Variants in SP100 observed in about 807,000 individuals in gnomAD.
SP100 encodes the protein SP100 nuclear body protein.
Under a neutral mutation model 130.0 loss-of-function variants are expected in SP100, and 84 were observed. The ratio of observed to expected loss-of-function variants is 0.65; its 90% confidence interval spans 0.54 to 0.77. SP100 has a LOEUF of 0.77. Among genes scored for constraint, SP100 ranks in the 30% least tolerant of loss-of-function variants. The pLI is 0.00. For synonymous variants in SP100, 331 were observed against 351.7 expected (o/e 0.94, Z 0.66); for missense variants, 978 against 1,052.2 (o/e 0.93, Z 0.97).
At chr2:230,485,647 T>C (rs780295369) in intron 17 of SP100, among the ~76,000 whole-genome samples, 7 of 152,208 alleles carry the variant, frequency 4.6e-5, no homozygotes, top group Non-Finnish European at 7.3e-5. Context: ...ATTTCTTTTA[T>C]TGATGTATAC....
intron 11 of SP100, among the ~76,000 whole-genome samples, chr2:230,465,458 G>A (rs1015723102): frequency 2.6e-5 from 4 of 152,160 alleles, no homozygotes; most frequent in African/African-American, 9.7e-5. Flanking sequence ...AATGGAGCTG[G>A]AGGCTATTAT....
chr2:230,449,156 T>C lies in SP100; in HGVS notation c.586+6T>C. On this transcript the variant is annotated splice_donor_region_variant and intron_variant, in intron 6 of 28. Transcript: ENST00000340126. ...GGGTTCCCCATCTCATGCTGGTTTG[T>C]TCCTGTTTACTACTCTTTGAGCCTC... is the stretch of plus-strand genomic sequence containing the variant. 2 of 1,614,020 alleles carry C rather than the reference T, an allele frequency of 1.2e-6. No individual in the cohort carries two copies. Among genetic ancestry groups the C allele is most frequent in the Non-Finnish European group, 1.7e-6 (2 of 1,179,864 alleles).
At position 230,463,483 on chromosome 2, in the gene SP100, A is replaced by C. The variant is rs2064776304; in HGVS notation, c.1058-584A>C. Reference sequence around the variant, plus strand: ...AGACCTAAGAGCAAAGAAGAACCTCATCTTGATGTTATAAAATAACAATGT... The same window carrying C: ...AGACCTAAGAGCAAAGAAGAACCTCCTCTTGATGTTATAAAATAACAATGT... On this transcript the variant is annotated intron_variant, in intron 10 of 28. Transcript: ENST00000340126. 2.0e-5 allele frequency: 3 copies of C among 152,276 alleles called. No homozygotes were observed. In the South Asian group the frequency reaches 6.2e-4, roughly 31 times the overall value. The allele number at this position is 152,276 out of a possible 1,614,324, so 9.4% of individuals were successfully genotyped here.
chr2:230,417,588 T>C lies in SP100; in HGVS notation c.33-3T>C. On this transcript the variant is annotated splice_polypyrimidine_tract_variant and splice_region_variant and intron_variant, in intron 1 of 28. Transcript: ENST00000340126. ...ACTTGGTCCTGCCAAATTGTCTTTC[T>C]AGGAGGCTGAATGAATGTATTTCAC... is the stretch of plus-strand genomic sequence containing the variant. 1 of 1,611,566 alleles carries C rather than the reference T, an allele frequency of 6.2e-7. No homozygotes were observed.
At chr2:230,469,950 A>G in intron 14 of SP100, 65 bp from the exon 15 acceptor site, 1 of 1,548,486 alleles carries the variant, frequency 6.5e-7, no homozygotes, top group Non-Finnish European at 8.7e-7. Flanking sequence ...TTGCTTTTAA[A>G]GAATTCCCTG....
chr2:230,463,782 AG>A, intron 10 of SP100: 1 of 208,686 alleles, frequency 4.8e-6, no homozygotes, highest in South Asian at 1.1e-4. Context: ...AAATAGAAGC[AG>A]AAACAAAGGA....
intron 17 of SP100, among the ~76,000 whole-genome samples, chr2:230,476,618 G>A (rs1056161547): frequency 3.3e-5 from 5 of 151,982 alleles, no homozygotes; most frequent in African/African-American, 4.8e-5. Context: ...ACACGTTTTG[G>A]AATATAGTTT....
chr2:230,479,526 C>A (rs549231803), intron 17 of SP100, among the ~76,000 whole-genome samples: 1 of 152,308 alleles, frequency 6.6e-6, no homozygotes, highest in South Asian at 2.1e-4. Context: ...CACAACTTTT[C>A]TTTCCTTGTA....
chr2:230,512,476 G>C (rs1393485960), intron 24 of SP100, among the ~76,000 whole-genome samples: 1 of 151,266 alleles, frequency 6.6e-6, no homozygotes, highest in Non-Finnish European at 1.5e-5. Flanking sequence ...TTTTAGTAGA[G>C]ACAGGGTTTT....
intron 9 of SP100, among the ~76,000 whole-genome samples, chr2:230,461,858 A>C (rs980688136): frequency 6.6e-6 from 1 of 151,986 alleles, no homozygotes; most frequent in Non-Finnish European, 1.5e-5. Context: ...CTGAGGCAGG[A>C]GCATCGTTTG....
At chr2:230,525,262 T>A (rs1006941266) in intron 24 of SP100, among the ~76,000 whole-genome samples, 2 of 152,200 alleles carry the variant, frequency 1.3e-5, no homozygotes, top group Non-Finnish European at 2.9e-5. Flanking sequence ...TGTTTCCCTG[T>A]GTGTCTATCT....
chr2:230,455,752 C>A (rs184995934), intron 8 of SP100, among the ~76,000 whole-genome samples: 12 of 152,270 alleles, frequency 7.9e-5, no homozygotes, highest in Admixed American at 7.8e-4. Flanking sequence ...TCTAGTGATA[C>A]ACTTTGATTC....
chr2:230,444,395 C>A (rs1391253970), intron 4 of SP100, 49 bp downstream of exon 4: 2 of 1,459,252 alleles, frequency 1.4e-6, no homozygotes, highest in South Asian at 1.1e-5. Flanking sequence ...CAAGTTTTTT[C>A]AATAAGTATA....
chr2:230,481,617 T>C (rs755630826), intron 17 of SP100, among the ~76,000 whole-genome samples: 36 of 152,190 alleles, frequency 2.4e-4, no homozygotes, highest in Non-Finnish European at 4.9e-4. Context: ...CTATTCTCCA[T>C]TCAGCAGTTG....
chr2:230,438,663 A>ACACC (rs2063374342), intron 2 of SP100, among the ~76,000 whole-genome samples: 1 of 151,254 alleles, frequency 6.6e-6, no homozygotes, highest in Non-Finnish European at 1.5e-5. Flanking sequence ...ACACACACAC[A>ACACC]CACACACACA....
chr2:230,426,538 G>A (rs567610848), intron 2 of SP100, among the ~76,000 whole-genome samples: 41 of 148,214 alleles, frequency 2.8e-4, no homozygotes, highest in Admixed American at 6.0e-4. Context: ...TATATATTCC[G>A]TACAGAAGTT....
intron 17 of SP100, among the ~76,000 whole-genome samples, chr2:230,474,991 A>G (rs72983781): frequency 1.3e-5 from 2 of 151,946 alleles, no homozygotes; most frequent in Non-Finnish European, 2.9e-5. Flanking sequence ...ACTATAAGGA[A>G]CATATGAGTG....
intron 24 of SP100, among the ~76,000 whole-genome samples, chr2:230,533,733 A>G (rs552162484): frequency 6.6e-6 from 1 of 152,302 alleles, no homozygotes; most frequent in African/African-American, 2.4e-5. Flanking sequence ...TAAATTAAAT[A>G]TTAATATCAA....
intron 14 of SP100, chr2:230,469,750 T>TGG: frequency 7.6e-7 from 1 of 1,312,700 alleles, no homozygotes; most frequent in South Asian, 1.3e-5. Flanking sequence ...AAATGGATGA[T>TGG]TTATAATAAA....
Sources: allele counts gnomAD v4.1 joint callset (sites outside exome capture counted in the v4.1 genomes callset), GRCh38; gene constraint gnomAD v4.1.1; transcripts MANE v1.5; gene names NCBI Gene and HGNC (gene_info 2026-07-23, HGNC 2026-07-21).